The following ST8SIA5 variants were observed in gnomAD, a reference collection of about 807,000 sequenced individuals.
ST8SIA5 encodes alpha-2,8-sialyltransferase 8E.
ST8SIA5 carries 24 observed loss-of-function variants against 40.2 expected under a neutral mutation model. That is an observed-to-expected ratio of 0.60 (90% CI 0.43 to 0.84). The LOEUF is 0.84. Among genes scored for constraint, ST8SIA5 ranks in the 40% least tolerant of loss-of-function variants. The probability of loss-of-function intolerance (pLI) is 0.00; values close to 1 mark genes in which losing one functional copy is unlikely to be tolerated. For missense variants in ST8SIA5, 465 were observed against 498.5 expected (o/e 0.93, Z 0.64); for synonymous variants, 198 against 201.8 (o/e 0.98, Z 0.16).
chr18:46,686,179 G>A lies in ST8SIA5; in HGVS notation c.564C>T (p.Val188=). The A allele has an allele frequency of 1.2e-6, 2 of 1,614,168 alleles. No individual in the cohort carries two copies. Among genetic ancestry groups the A allele is most frequent in the Non-Finnish European group, 1.7e-6 (2 of 1,180,022 alleles). Residue 188 remains valine, a synonymous_variant, in exon 5 of 7, where the codon GTC becomes GTT. Coordinates refer to ENST00000315087, the MANE Select transcript of ST8SIA5 (RefSeq NM_013305.6). ...AGTGCCAGGGTTTCTTTTACCGGAA[G>A]ACGAAGTCGGCGCTGTTGATCTCCC... The part of the protein sequence containing the change: ...CGREINSADF[V]FRCNLPPISE...
intron 1 of ST8SIA5, among the ~76,000 whole-genome samples, chr18:46,736,779 G>A (rs568873735): frequency 6.6e-6 from 1 of 152,152 alleles, no homozygotes; most frequent in Admixed American, 6.5e-5. Flanking sequence ...AGTGAGCGTG[G>A]ATGCATTTTA....
chr18:46,756,438 CAGATGA>C lies in ST8SIA5; in HGVS notation c.65_70del (p.Phe22_Ile23del). ...CAGCAAGGTCACCAAGGCAAAGGCG[CAGATGA>C]AGATGAAGAGCAAAGTTCGGCTCCC... On this transcript the variant is annotated inframe_deletion, in exon 1 of 7. Coordinates refer to ENST00000315087, the MANE Select transcript of ST8SIA5 (RefSeq NM_013305.6). 1 of 1,613,348 alleles carries C rather than the reference CAGATGA, an allele frequency of 6.2e-7. No homozygotes were observed.
chr18:46,729,900 G>A (rs924142647), intron 1 of ST8SIA5, among the ~76,000 whole-genome samples: 3 of 152,092 alleles, frequency 2.0e-5, no homozygotes, highest in African/African-American at 7.2e-5. Flanking sequence ...GGTGGTGAGA[G>A]GACAGAAAAT....
At chr18:46,755,294 G>A in intron 1 of ST8SIA5, among the ~76,000 whole-genome samples, 1 of 152,226 alleles carries the variant, frequency 6.6e-6, no homozygotes, top group East Asian at 1.9e-4. Context: ...CCCAAAGGAT[G>A]AGAAGAGGGC....
At chr18:46,719,557 A>C (rs2039830324) in intron 1 of ST8SIA5, among the ~76,000 whole-genome samples, 1 of 152,190 alleles carries the variant, frequency 6.6e-6, no homozygotes, top group African/African-American at 2.4e-5. Flanking sequence ...TTAGGAATGG[A>C]GCCCATGCAA....
At chr18:46,685,465 T>A (rs1401267466) in intron 5 of ST8SIA5, among the ~76,000 whole-genome samples, 1 of 152,054 alleles carries the variant, frequency 6.6e-6, no homozygotes, top group Non-Finnish European at 1.5e-5. Flanking sequence ...AAGGCTTCCT[T>A]CTTCTAGAGA....
chr18:46,727,959 G>T (rs184818190), intron 1 of ST8SIA5, among the ~76,000 whole-genome samples: 2 of 152,282 alleles, frequency 1.3e-5, no homozygotes, highest in African/African-American at 2.4e-5. Flanking sequence ...CATTTTGGGA[G>T]GCCGAGGCAG....
At chr18:46,691,986 G>A in intron 3 of ST8SIA5, 183 bp downstream of exon 3, 1 of 624,264 alleles carries the variant, frequency 1.6e-6, no homozygotes, top group East Asian at 2.8e-5. Flanking sequence ...TGGGCAAGGT[G>A]CCTGCCTCAG....
Position 46,704,655 on chromosome 18 carries a change from T to C in ST8SIA5, c.141A>G (p.Glu47=). The C allele has an allele frequency of 1.2e-6, 2 of 1,614,062 alleles. No individual in the cohort carries two copies. The highest frequency in any genetic ancestry group is 1.1e-5 in the South Asian group (1 of 91,080). Residue 47 remains glutamate (E), a synonymous_variant, in exon 2 of 7, where the codon GAA becomes GAG. Coordinates refer to ENST00000315087, the MANE Select transcript of ST8SIA5 (RefSeq NM_013305.6). ...YGRNYIKRYF[E]FYEGPFEYNS... ...TATATTCAAAAGGCCCCTCATAAAATTCAAAGTACCTGGGGACCAACAGAG... is the reference window on the plus strand; with the variant it reads ...TATATTCAAAAGGCCCCTCATAAAACTCAAAGTACCTGGGGACCAACAGAG...
chr18:46,691,987 C>G (rs1181813742), intron 3 of ST8SIA5, 182 bp downstream of exon 3: 5 of 625,474 alleles, frequency 8.0e-6, no homozygotes, highest in African/African-American at 1.8e-5. Context: ...GGGCAAGGTG[C>G]CTGCCTCAGC....
Position 46,669,574 on chromosome 18 carries a change from A to ACCCTCCTGC in ST8SIA5, c.*10459_*10467dup, listed in dbSNP as rs1361238982. ...CAGCACACCCCTAGCTGAAGTCCTGACCCTCCTGCCCCACACAATAAGGAC... is the reference window on the plus strand; with the variant it reads ...CAGCACACCCCTAGCTGAAGTCCTGACCCTCCTGCCCCTCCTGCCCCACACAATAAGGAC... On this transcript the variant is annotated 3_prime_UTR_variant, in exon 7 of 7. Coordinates refer to ENST00000315087, the MANE Select transcript of ST8SIA5 (RefSeq NM_013305.6). 1 of 152,072 alleles carries ACCCTCCTGC rather than the reference A, an allele frequency of 6.6e-6. No individual in the cohort carries two copies. Among genetic ancestry groups the ACCCTCCTGC allele is most frequent in the Non-Finnish European group, 1.5e-5 (1 of 68,104 alleles). 9.4% of individuals were successfully genotyped at this position (152,072 alleles called of 1,614,324 possible).
At chr18:46,702,446 G>C (rs181639278) in intron 2 of ST8SIA5, among the ~76,000 whole-genome samples, 35 of 152,258 alleles carry the variant, frequency 2.3e-4, no homozygotes, top group Admixed American at 1.1e-3. Flanking sequence ...ACCCAAACCT[G>C]GGTCTGTATC....
intron 1 of ST8SIA5, among the ~76,000 whole-genome samples, chr18:46,704,976 G>A (rs1056153429): frequency 6.6e-6 from 1 of 152,232 alleles, no homozygotes; most frequent in Admixed American, 6.5e-5. Flanking sequence ...GGAAGGAGAG[G>A]GGAGGAGGAG....
chr18:46,689,247 C>T (rs1462734840), intron 3 of ST8SIA5, among the ~76,000 whole-genome samples: 1 of 152,086 alleles, frequency 6.6e-6, no homozygotes, highest in Non-Finnish European at 1.5e-5. Context: ...CCAGGCCAGG[C>T]TTCTTTCCAT....
intron 1 of ST8SIA5, among the ~76,000 whole-genome samples, chr18:46,739,305 G>T (rs1380601397): frequency 6.6e-6 from 1 of 152,218 alleles, no homozygotes; most frequent in East Asian, 1.9e-4. Flanking sequence ...ACTTTGGGAG[G>T]CTGAGGCGGG....
intron 2 of ST8SIA5, among the ~76,000 whole-genome samples, chr18:46,702,713 C>T (rs1165098259): frequency 6.6e-6 from 1 of 152,220 alleles, no homozygotes; most frequent in Non-Finnish European, 1.5e-5. Context: ...CTAGTCCCAG[C>T]CTGGGTCAAG....
In ST8SIA5 at chr18:46,686,163, G is replaced by T. The variant is rs1568250464; in HGVS notation, c.569+11C>A. On this transcript the variant is annotated intron_variant, in intron 5 of 6. Coordinates refer to ENST00000315087, the MANE Select transcript of ST8SIA5 (RefSeq NM_013305.6). ...GGGTAGTGGCAAGGGCAGTGCCAGG[G>T]TTTCTTTTACCGGAAGACGAAGTCG... The T allele has an allele frequency of 6.2e-7, 1 of 1,613,678 alleles. No individual in the cohort carries two copies. The highest frequency in any genetic ancestry group is 1.3e-5 in the African/African-American group (1 of 75,034).
At position 46,676,892 on chromosome 18, in the gene ST8SIA5, T is replaced by A. The variant is rs2039342726; in HGVS notation, c.*3150A>T. 1 of 152,186 alleles carries A rather than the reference T, an allele frequency of 6.6e-6. No individual in the cohort carries two copies. The highest frequency in any genetic ancestry group is 2.4e-5 in the African/African-American group (1 of 41,440). 9.4% of individuals were successfully genotyped at this position (152,186 alleles called of 1,614,324 possible). Reference sequence around the variant, plus strand: ...AAATGTTTTTCTTATAAACACTGGCTGCAGCAGAAAAACTATATCCTGAAA... The same window carrying A: ...AAATGTTTTTCTTATAAACACTGGCAGCAGCAGAAAAACTATATCCTGAAA... On this transcript the variant is annotated 3_prime_UTR_variant, in exon 7 of 7. Coordinates refer to ENST00000315087, the MANE Select transcript of ST8SIA5 (RefSeq NM_013305.6).
intron 5 of ST8SIA5, chr18:46,685,786 G>A: frequency 4.7e-6 from 1 of 214,488 alleles, no homozygotes; most frequent in Non-Finnish European, 9.6e-6. Context: ...TTAAAGCCAG[G>A]GTGAAGCCAA....
Sources: allele counts gnomAD v4.1 joint callset (sites outside exome capture counted in the v4.1 genomes callset), GRCh38; gene constraint gnomAD v4.1.1; transcripts MANE v1.5; gene names NCBI Gene and HGNC (gene_info 2026-07-23, HGNC 2026-07-21).